The following POM121 variants were observed in gnomAD, a reference collection of about 807,000 sequenced individuals.
POM121 encodes nuclear envelope pore membrane protein POM 121.
Under a neutral mutation model 81.3 loss-of-function variants are expected in POM121, and 32 were observed. The observed-to-expected ratio is 0.39, with a 90% CI of 0.30 to 0.53. POM121 has a LOEUF of 0.53. POM121 is among the 20% of genes least tolerant of loss of function. The pLI is 0.66. For synonymous variants in POM121, 514 were observed against 694.2 expected, an observed-to-expected ratio of 0.74 and a Z score of 4.08; for missense variants, 1,138 against 1,614.6, an observed-to-expected ratio of 0.70 and a Z score of 5.06.
At chr7:72,949,293 A>G (rs782321536), downstream of POM121, 1 of 828,890 alleles carries the variant, frequency 1.2e-6, no homozygotes, top group Non-Finnish European at 2.2e-6. Flanking sequence ...TCCCTCAGCC[A>G]CGCCTTCTCA....
chr7:72,881,086 T>C lies in POM121; in HGVS notation c.-521+1201T>C, dbSNP rs1467315255. 2.7e-4 allele frequency among the ~76,000 whole-genome samples: 33 copies of C among 120,872 alleles called. 1 individual carries two copies. The highest frequency in any genetic ancestry group is 9.0e-4 in the African/African-American group (32 of 35,490). 79.3% of individuals were successfully genotyped at this position (120,872 alleles called of 152,430 possible). A position where few individuals can be genotyped will look rare whatever the true frequency, so the allele number is the denominator to read the frequency against. Reference sequence around the variant, plus strand: ...TCACTCTTTTTTTTTTTTTTTTTTTTTTGAGACAGTGTCTCTCACCCAGTC... The same window carrying C: ...TCACTCTTTTTTTTTTTTTTTTTTTCTTGAGACAGTGTCTCTCACCCAGTC... On this transcript the variant is annotated intron_variant, in intron 1 of 15. Coordinates refer to the POM121 transcript ENST00000395270.
intron 4 of POM121, chr7:72,913,971 A>G (rs1394412043): frequency 2.6e-5 from 4 of 152,072 alleles, no homozygotes; most frequent in Admixed American, 2.0e-4. Flanking sequence ...GGTCGGGGTT[A>G]TGTCTCTTTT....
chr7:72,939,671 C>T (rs1365493996), intron 7 of POM121, among the ~76,000 whole-genome samples, 176 bp from the exon 8 acceptor site: 2 of 152,144 alleles, frequency 1.3e-5, no homozygotes, highest in African/African-American at 2.4e-5. Flanking sequence ...GCACAGTAAG[C>T]GGTTTGTGTG....
intron 5 of POM121, among the ~76,000 whole-genome samples, chr7:72,936,486 C>T (rs1554499523): frequency 6.6e-6 from 1 of 151,774 alleles, no homozygotes; most frequent in East Asian, 1.9e-4. Context: ...ACCATGTTAG[C>T]CAGGATGGTC....
At chr7:72,908,412 G>T (rs1554493768) in intron 3 of POM121, among the ~76,000 whole-genome samples, 1 of 152,108 alleles carries the variant, frequency 6.6e-6, no homozygotes, top group Non-Finnish European at 1.5e-5. Context: ...GCTTCACAAG[G>T]TAATAAAATA....
At chr7:72,912,790 A>G (rs181451991) in intron 3 of POM121, among the ~76,000 whole-genome samples, 1 of 152,280 alleles carries the variant, frequency 6.6e-6, no homozygotes, top group Admixed American at 6.5e-5. Flanking sequence ...AACAAGATCT[A>G]AGTGGGTTTT....
At chr7:72,912,264 T>C (rs1793877261) in intron 3 of POM121, among the ~76,000 whole-genome samples, 1 of 152,098 alleles carries the variant, frequency 6.6e-6, no homozygotes, top group Non-Finnish European at 1.5e-5. Context: ...ATATCCTATG[T>C]GAGGGATCAA....
Position 72,881,624 on chromosome 7 carries a change from T to G in POM121, c.-521+1739T>G, listed in dbSNP as rs192447421. Among the ~76,000 whole-genome samples the G allele has an allele frequency of 3.3e-5, 5 of 152,224 alleles. No homozygotes were observed. In the East Asian group the frequency reaches 9.7e-4, roughly 29 times the overall value. ...TGCATTTTAAGAGGTTTGTAAGGAT[T>G]CATACTTTTTTTTTCTTTTTTTTGA... is the stretch of plus-strand genomic sequence containing the variant. On this transcript the variant is annotated intron_variant, in intron 1 of 15. Transcript: ENST00000395270.
chr7:72,948,735 C>T (rs1554503976), downstream of POM121: 4 of 1,554,446 alleles, frequency 2.6e-6, no homozygotes, highest in African/African-American at 1.4e-5. Flanking sequence ...TTGGGGGAAG[C>T]CCGGAGGCAG....
At chr7:72,945,427 C>T (rs1258625945) in intron 11 of POM121, among the ~76,000 whole-genome samples, 159 bp from the exon 12 acceptor site, 6 of 151,966 alleles carry the variant, frequency 3.9e-5, no homozygotes, top group Admixed American at 1.3e-4. Flanking sequence ...CATGAAGACT[C>T]GGTTGTCTGG....
intron 3 of POM121, among the ~76,000 whole-genome samples, chr7:72,907,547 G>A (rs1554493605): frequency 1.9e-4 from 29 of 150,552 alleles, no homozygotes; most frequent in Non-Finnish European, 1.0e-4. Flanking sequence ...GTCTCACTCT[G>A]TCGCCCAGGC....
intron 4 of POM121, among the ~76,000 whole-genome samples, chr7:72,914,178 A>C (rs1201377849): frequency 6.6e-6 from 1 of 152,194 alleles, no homozygotes; most frequent in African/African-American, 2.4e-5. Context: ...GACTGCAAGG[A>C]GGGGCCACAT....
rs1267182770 is a variant in POM121 at position 72,945,949 on chromosome 7, G to A, written c.3653-188G>A. Among the ~76,000 whole-genome samples the A allele has an allele frequency of 3.3e-5, 5 of 152,054 alleles. No homozygotes were observed. The East Asian group carries it at 5.8e-4, about 18-fold the overall frequency. On this transcript the variant is annotated intron_variant, in intron 12 of 12. Transcript: ENST00000434423. ...AGGTAAAAATGGATTCTTGGGCCTC[G>A]CTCTGAGACTCTCTGGGAGTTTGCA...
intron 3 of POM121, among the ~76,000 whole-genome samples, chr7:72,913,302 C>T (rs1224854305): frequency 2.6e-5 from 4 of 152,208 alleles, no homozygotes; most frequent in South Asian, 4.1e-4. Flanking sequence ...CGGGACATGC[C>T]GTGTGCCGTC....
chr7:72,936,703 C>T (rs1321916613), intron 5 of POM121, among the ~76,000 whole-genome samples: 6 of 152,212 alleles, frequency 3.9e-5, no homozygotes, highest in Non-Finnish European at 7.3e-5. Flanking sequence ...TGAGCCACCT[C>T]GTCTGGCCCC....
chr7:72,939,194 T>C, intron 6 of POM121, 142 bp from the exon 7 acceptor site: 1 of 1,255,638 alleles, frequency 8.0e-7, no homozygotes. Flanking sequence ...TCCTGTTGAC[T>C]TTTTTTATCC....
chr7:72,910,947 A>G (rs1793744675), intron 3 of POM121, among the ~76,000 whole-genome samples: 1 of 151,946 alleles, frequency 6.6e-6, no homozygotes, highest in Non-Finnish European at 1.5e-5. Context: ...ACCTTTCCAG[A>G]ATTTGTTGGT....
chr7:72,941,540 A>G (rs1368895835), intron 10 of POM121, among the ~76,000 whole-genome samples: 1 of 148,804 alleles, frequency 6.7e-6, no homozygotes, highest in South Asian at 2.2e-4. Context: ...GTAGGCAAAT[A>G]AAGTATATCT....
chr7:72,936,746 T>A (rs1333647481), intron 5 of POM121, among the ~76,000 whole-genome samples: 1 of 152,100 alleles, frequency 6.6e-6, no homozygotes, highest in East Asian at 1.9e-4. Context: ...TGCTCAGTGA[T>A]GTGTATCCCT....
Sources: gnomAD v4.1 joint callset for allele counts (sites outside exome capture counted in the v4.1 genomes callset) on GRCh38, gnomAD v4.1.1 for gene constraint, MANE v1.5 for transcripts, NCBI Gene and HGNC (gene_info 2026-07-23, HGNC 2026-07-21) for gene names.